Variants in PXYLP1 observed in about 807,000 individuals in gnomAD.
PXYLP1 encodes the protein 2-phosphoxylose phosphatase 1, also known as acid phosphatase-like 2.
Under a neutral mutation model 37.9 loss-of-function variants are expected in PXYLP1, and 17 were observed. That is an observed-to-expected ratio of 0.45 (90% confidence interval 0.31 to 0.67). PXYLP1 has a LOEUF of 0.67. Among genes scored for constraint, PXYLP1 ranks in the 30% least tolerant of loss-of-function variants. The pLI is 0.07. For missense variants in PXYLP1, 511 were observed against 612.0 expected (o/e 0.84, Z 1.74); for synonymous variants, 221 against 232.2 (o/e 0.95, Z 0.44).
In PXYLP1 at chr3:141,292,946, G is replaced by C. The variant is rs549495825; in HGVS notation, c.1184G>C (p.Arg395Thr). 4.6e-5 allele frequency: 74 copies of C among 1,614,166 alleles called. 1 individual carries two copies. In the South Asian group the frequency reaches 7.6e-4, roughly 17 times the overall value. Reference protein sequence around the residue: ...VLSALGLSEARFPRFAARLIF... With the variant: ...VLSALGLSEATFPRFAARLIF... ...AGTGCCTTGGGCCTTTCAGAAGCCA[G>C]GTTCCCAAGGTTTGCAGCCAGGTTG... The change falls in exon 6 of 6, where the codon AGG (arginine) becomes ACG (threonine). Residue 395 changes from arginine to threonine, a missense_variant. Coordinates refer to ENST00000286353, the MANE Select transcript of PXYLP1 (RefSeq NM_001037172.3). The surrounding 1 kb of genome is among the most constrained non-coding windows in gnomAD (Gnocchi z 4.3).
intron 5 of PXYLP1, among the ~76,000 whole-genome samples, chr3:141,289,858 C>T (rs1370110781): frequency 6.6e-6 from 1 of 152,152 alleles, no homozygotes; most frequent in East Asian, 1.9e-4. Flanking sequence ...TCTCTGGATC[C>T]AGGAGCTGCT....
At chr3:141,273,864 T>A in intron 2 of PXYLP1, 1 of 985,340 alleles carries the variant, frequency 1.0e-6, no homozygotes, top group Non-Finnish European at 1.2e-6. Flanking sequence ...AAAAGATATC[T>A]CGTATCCTGT....
chr3:141,249,161 G>A (rs1232958440), intron 1 of PXYLP1, among the ~76,000 whole-genome samples: 2 of 152,188 alleles, frequency 1.3e-5, no homozygotes, highest in African/African-American at 4.8e-5. Flanking sequence ...CACTGGCACT[G>A]GCAGTGATAA....
At chr3:141,233,463 C>CAAAAA (rs5853024) in intron 1 of PXYLP1, among the ~76,000 whole-genome samples, 2 of 79,388 alleles carry the variant, frequency 2.5e-5, no homozygotes, top group South Asian at 4.7e-4. Flanking sequence ...AAAACCCTGT[C>CAAAAA]AAAAAAAAAA....
At chr3:141,291,164 T>C (rs1942195270) in intron 5 of PXYLP1, among the ~76,000 whole-genome samples, 2 of 152,184 alleles carry the variant, frequency 1.3e-5, no homozygotes, top group South Asian at 4.1e-4. Context: ...GCTGAAGTTG[T>C]CTCATCTTTG....
chr3:141,278,510 A>G lies in PXYLP1; in HGVS notation c.238+10A>G. The G allele has an allele frequency of 3.1e-6, 5 of 1,614,024 alleles. No individual in the cohort carries two copies. The highest frequency in any genetic ancestry group is 4.2e-6 in the Non-Finnish European group (5 of 1,179,952). On this transcript the variant is annotated intron_variant, in intron 3 of 5. Transcript: ENST00000286353. ...GAGCGCAGCATGGAAGGTAGGCCTG[A>G]CTGTGCCACCAGGACAGATACCCCT... is the stretch of plus-strand genomic sequence containing the variant.
chr3:141,267,879 C>CTCTCTCCA (rs996090608), intron 2 of PXYLP1, among the ~76,000 whole-genome samples: 7 of 152,014 alleles, frequency 4.6e-5, no homozygotes, highest in African/African-American at 1.7e-4. Context: ...GTCTCTCTCC[C>CTCTCTCCA]TCTCTCCCTC....
chr3:141,248,023 G>GTTTTTTTTTTTTTTTT (rs55888415), intron 1 of PXYLP1, among the ~76,000 whole-genome samples: 1 of 122,900 alleles, frequency 8.1e-6, no homozygotes. Flanking sequence ...TTTTTGTTTT[G>GTTTTTTTTTTTTTTTT]TTTTTTTTTT....
In PXYLP1 at chr3:141,260,110, G is replaced by T; in HGVS notation, c.-53-13G>T. ...CTCTAAACACTCATTTATCACCTCTGCTTTATTCACAGGACATGTTCCCGA... is the reference window on the plus strand; with the variant it reads ...CTCTAAACACTCATTTATCACCTCTTCTTTATTCACAGGACATGTTCCCGA... On this transcript the variant is annotated splice_polypyrimidine_tract_variant and intron_variant, in intron 1 of 5. Coordinates refer to ENST00000286353, the MANE Select transcript of PXYLP1 (RefSeq NM_001037172.3). 1 of 1,590,208 alleles carries T rather than the reference G, an allele frequency of 6.3e-7. No homozygotes were observed. Among genetic ancestry groups the T allele is most frequent in the East Asian group, 2.2e-5 (1 of 44,702 alleles).
At chr3:141,243,944 A>G (rs563702730) in intron 1 of PXYLP1, among the ~76,000 whole-genome samples, 1 of 152,228 alleles carries the variant, frequency 6.6e-6, no homozygotes, top group African/African-American at 2.4e-5. Flanking sequence ...CTTTTTTCTG[A>G]TTTTTAGAAG....
intron 1 of PXYLP1, among the ~76,000 whole-genome samples, chr3:141,246,262 G>T (rs978500230): frequency 2.6e-5 from 4 of 152,188 alleles, no homozygotes; most frequent in African/African-American, 9.7e-5. Context: ...CGGTCAGTCA[G>T]CTCTCTGCAA....
intron 2 of PXYLP1, among the ~76,000 whole-genome samples, chr3:141,274,918 A>G (rs540886625): frequency 1.3e-5 from 2 of 152,266 alleles, no homozygotes; most frequent in Non-Finnish European, 2.9e-5. Context: ...CAAACGGTGG[A>G]GCATAGGCGA....
chr3:141,273,531 G>C lies in PXYLP1; in HGVS notation c.80-4811G>C, dbSNP rs72982585. The C allele has an allele frequency of 5.1e-3, 5,039 of 985,448 alleles. 205 individuals carry two copies. In the African/African-American group the frequency reaches 0.08, roughly 16 times the overall value. 61.0% of individuals were successfully genotyped at this position (985,448 alleles called of 1,614,324 possible). ...GGTGGGGAAGGGTGGTGGGGAGGGAGCCTGCGTGGGATAGCATCTGGTTGT... is the reference window on the plus strand; with the variant it reads ...GGTGGGGAAGGGTGGTGGGGAGGGACCCTGCGTGGGATAGCATCTGGTTGT... On this transcript the variant is annotated intron_variant, in intron 2 of 5. Transcript: ENST00000286353.
At chr3:141,285,144 CTT>C (rs147495598) in intron 4 of PXYLP1, among the ~76,000 whole-genome samples, 4 of 78,794 alleles carry the variant, frequency 5.1e-5, no homozygotes, top group Non-Finnish European at 5.2e-5. Flanking sequence ...TTTTCTTTTT[CTT>C]TTTTTTTTTT....
Position 141,233,762 on chromosome 3 carries a change from G to C in PXYLP1, c.-54+1851G>C, listed in dbSNP as rs112710962. On this transcript the variant is annotated intron_variant, in intron 1 of 5. Transcript: ENST00000286353. ...CACTCCGAGTGTTTGTGGAACTGCA[G>C]TATCTGTAACTCTTTTTTCTATTGA... 4.1e-3 allele frequency among the ~76,000 whole-genome samples: 621 copies of C among 152,330 alleles called. 7 individuals are homozygous for C. The highest frequency in any genetic ancestry group is 0.014 in the African/African-American group (588 of 41,568).
chr3:141,273,663 G>T (rs1309984191), intron 2 of PXYLP1: 1 of 985,288 alleles, frequency 1.0e-6, no homozygotes, highest in African/African-American at 1.7e-5. Flanking sequence ...TTGAGACCTT[G>T]TCGGCATCTT....
At position 141,252,362 on chromosome 3, in the gene PXYLP1, T is replaced by A. The variant is rs144870746; in HGVS notation, c.-53-7761T>A. 5.7e-4 allele frequency among the ~76,000 whole-genome samples: 87 copies of A among 152,310 alleles called. No homozygotes were observed. In the South Asian group the frequency reaches 0.011, roughly 20 times the overall value. ...AAAGAAAAGAAATGTATTTAGTTCA[T>A]GGTTATGCAGTCTGTAAGAAGCGTA... On this transcript the variant is annotated intron_variant, in intron 1 of 5. Transcript: ENST00000286353.
In PXYLP1 at chr3:141,293,665, A is replaced by G. The variant is rs1467322899; in HGVS notation, c.*460A>G. The G allele has an allele frequency of 6.0e-6, 1 of 165,942 alleles. No homozygotes were observed. The highest frequency in any genetic ancestry group is 3.2e-3 in the Middle Eastern group (1 of 314). The allele number at this position is 165,942 out of a possible 1,614,324, so 10.3% of individuals were successfully genotyped here. Reference sequence around the variant, plus strand: ...GCAAACTTTTTCTGTAAAGGGCCAGATTGTAAATATTTCAGACTGTGTGGA... The same window carrying G: ...GCAAACTTTTTCTGTAAAGGGCCAGGTTGTAAATATTTCAGACTGTGTGGA... On this transcript the variant is annotated 3_prime_UTR_variant, in exon 6 of 6. Transcript: ENST00000286353.
intron 2 of PXYLP1, among the ~76,000 whole-genome samples, chr3:141,269,040 A>G (rs192353851): frequency 6.6e-6 from 1 of 152,354 alleles, no homozygotes; most frequent in Non-Finnish European, 1.5e-5. Context: ...GGATGTCCAC[A>G]TGCCTGAGAG....
Sources: gnomAD v4.1 joint callset for allele counts (sites outside exome capture counted in the v4.1 genomes callset) on GRCh38, gnomAD v4.1.1 for gene constraint, Gnocchi (gnomAD v3.1) non-coding constraint, MANE v1.5 for transcripts, NCBI Gene and HGNC (gene_info 2026-07-23, HGNC 2026-07-21) for gene names.